Variants in GIGYF2 observed in about 807,000 individuals in gnomAD.
GIGYF2 encodes GRB10-interacting GYF protein 2.
Under a neutral mutation model 208.1 loss-of-function variants are expected in GIGYF2, and 25 were observed. The ratio of observed to expected loss-of-function variants is 0.12; its 90% CI spans 0.09 to 0.17. GIGYF2 has a LOEUF of 0.17. Ranked by LOEUF, GIGYF2 falls within the 10% of genes least tolerant of loss-of-function variation. GIGYF2 has a pLI of 1.00. For synonymous variants in GIGYF2, 534 were observed against 543.8 expected, an observed-to-expected ratio of 0.98 and a Z score of 0.25; for missense variants, 1,302 against 1,579.4, an observed-to-expected ratio of 0.82 and a Z score of 2.98.
intron 2 of GIGYF2, among the ~76,000 whole-genome samples, chr2:232,723,749 T>TTTTGTTG (rs1697051720): frequency 6.9e-6 from 1 of 143,974 alleles, no homozygotes; most frequent in Admixed American, 7.0e-5. Context: ...TTTTTTTTTT[T>TTTTGTTG]GAGATGGAGT....
chr2:232,794,599 G>A (rs1263359338), intron 12 of GIGYF2, 149 bp from the exon 13 acceptor site: 10 of 715,258 alleles, frequency 1.4e-5, no homozygotes, highest in Middle Eastern at 3.4e-4. Context: ...GGAATATTAC[G>A]TTTCTCCATA....
At chr2:232,770,470 A>G (rs1388445309) in intron 8 of GIGYF2, among the ~76,000 whole-genome samples, 3 of 152,212 alleles carry the variant, frequency 2.0e-5, no homozygotes, top group Non-Finnish European at 4.4e-5. Context: ...ATAGGAGGGA[A>G]TTCTAGCTCA....
chr2:232,729,874 T>C, intron 2 of GIGYF2: 1 of 737,572 alleles, frequency 1.4e-6, no homozygotes, highest in South Asian at 1.4e-5. Context: ...ACTTTTCTCC[T>C]CCCATCAGCT....
At chr2:232,735,761 A>G (rs1697706583) in intron 3 of GIGYF2, 2 of 985,552 alleles carry the variant, frequency 2.0e-6, no homozygotes, top group Non-Finnish European at 2.4e-6. Context: ...AGTCTCTTAC[A>G]GATGTGTTTG....
At position 232,836,386 on chromosome 2, in the gene GIGYF2, A is replaced by G. The variant is rs775688463; in HGVS notation, c.2766+3293A>G. Among the ~76,000 whole-genome samples, 706 of 104,080 alleles carry G rather than the reference A, an allele frequency of 6.8e-3. 152 individuals carry two copies. The highest frequency in any genetic ancestry group is 0.065 in the Admixed American group (477 of 7,358). 68.3% of individuals were successfully genotyped at this position (104,080 alleles called of 152,430 possible). On this transcript the variant is annotated intron_variant, in intron 22 of 28. Coordinates refer to ENST00000373563, the MANE Select transcript of GIGYF2 (RefSeq NM_001103146.3). Reference sequence around the variant, plus strand: ...AATATAAATATATATAAATATAAATATATATAAATATAAATATATATATAA... The same window carrying G: ...AATATAAATATATATAAATATAAATGTATATAAATATAAATATATATATAA...
At chr2:232,815,547 A>C (rs1700881121) in intron 18 of GIGYF2, 90 bp from the exon 19 acceptor site, 8 of 773,524 alleles carry the variant, frequency 1.0e-5, no homozygotes, top group Non-Finnish European at 1.9e-5. Context: ...ATTTAGGCAC[A>C]GGGAAGCAGC....
At chr2:232,745,016 A>G (rs971807750) in intron 3 of GIGYF2, among the ~76,000 whole-genome samples, 6 of 152,178 alleles carry the variant, frequency 3.9e-5, no homozygotes, top group African/African-American at 1.4e-4. Context: ...TGTTCAGTGG[A>G]TATTAATTCC....
Position 232,841,260 on chromosome 2 carries a change from A to C in GIGYF2, c.2889+1289A>C, listed in dbSNP as rs1574945168. ...AGGAATCACAGGTCTTCTCCTGTCT[A>C]CCAGAAGTTAATAATTATTTCATTC... is the stretch of plus-strand genomic sequence containing the variant. On this transcript the variant is annotated intron_variant, in intron 23 of 28. Transcript: ENST00000373563. Among the ~76,000 whole-genome samples the C allele has an allele frequency of 3.3e-5, 5 of 152,136 alleles. No individual in the cohort carries two copies. The South Asian group carries it at 1.0e-3, about 32-fold the overall frequency.
At chr2:232,746,966 CTA>C (rs1698173089) in intron 3 of GIGYF2, among the ~76,000 whole-genome samples, 5 of 152,082 alleles carry the variant, frequency 3.3e-5, no homozygotes, top group Admixed American at 3.3e-4. Context: ...ATGTTTGTTT[CTA>C]TGCTTTTGCT....
chr2:232,808,455 T>C (rs1356046690), intron 15 of GIGYF2, among the ~76,000 whole-genome samples: 1 of 152,188 alleles, frequency 6.6e-6, no homozygotes, highest in Non-Finnish European at 1.5e-5. Flanking sequence ...GTCATTGTCT[T>C]TGACCTGAAT....
intron 8 of GIGYF2, chr2:232,764,625 T>C (rs1201131939): frequency 1.3e-5 from 2 of 152,264 alleles, no homozygotes; most frequent in African/African-American, 4.8e-5. Flanking sequence ...GGACTTAGAC[T>C]TGATCTGTAT....
Position 232,784,386 on chromosome 2 carries a change from CT to C in GIGYF2, c.533-2743del, listed in dbSNP as rs10645449. ...TCTAGCTACTTACACGAAATAATTT[CT>C]TTTTTTTTTTTTTTTTTTTTGAGAC... On this transcript the variant is annotated intron_variant, in intron 8 of 28. Coordinates refer to ENST00000373563, the MANE Select transcript of GIGYF2 (RefSeq NM_001103146.3). 5.4e-3 allele frequency among the ~76,000 whole-genome samples: 496 copies of C among 92,268 alleles called. 3 individuals are homozygous for C. Among genetic ancestry groups the C allele is most frequent in the African/African-American group, 0.018 (465 of 25,142 alleles). The allele number at this position is 92,268 out of a possible 152,430, so 60.5% of individuals were successfully genotyped here.
At chr2:232,819,142 C>G (rs976173127) in intron 20 of GIGYF2, among the ~76,000 whole-genome samples, 1 of 151,966 alleles carries the variant, frequency 6.6e-6, no homozygotes, top group Non-Finnish European at 1.5e-5. Context: ...AAGAGGTGCT[C>G]TTTGAAAAAC....
intron 2 of GIGYF2, among the ~76,000 whole-genome samples, chr2:232,704,660 GT>G (rs1292561994): frequency 6.6e-5 from 10 of 152,154 alleles, no homozygotes; most frequent in Admixed American, 6.5e-4. Context: ...GCCTCCCAAA[GT>G]GCTGGGATTA....
At chr2:232,716,374 G>GTTTTTTTTTTTTTTT (rs397988241) in intron 2 of GIGYF2, among the ~76,000 whole-genome samples, 2 of 100,290 alleles carry the variant, frequency 2.0e-5, no homozygotes, top group Non-Finnish European at 3.8e-5. Flanking sequence ...GGTGTTATTT[G>GTTTTTTTTTTTTTTT]TTTTTTTTTT....
At chr2:232,730,326 C>T (rs1294666820) in intron 2 of GIGYF2, 3 of 526,228 alleles carry the variant, frequency 5.7e-6, no homozygotes, top group African/African-American at 2.0e-5. Context: ...CTTTAGGGGC[C>T]GGGTGCAGTG....
intron 3 of GIGYF2, among the ~76,000 whole-genome samples, chr2:232,743,869 C>T (rs896435084): frequency 1.3e-5 from 2 of 152,098 alleles, no homozygotes; most frequent in African/African-American, 4.8e-5. Context: ...TTTTTGGAGA[C>T]AGAGTCTCAC....
At chr2:232,735,532 C>G (rs1697696959) in intron 3 of GIGYF2, 1 of 347,886 alleles carries the variant, frequency 2.9e-6, no homozygotes, top group Non-Finnish European at 4.7e-6. Context: ...GGTGCACATA[C>G]AATTTTATGT....
At chr2:232,777,866 A>G (rs938350574) in intron 8 of GIGYF2, among the ~76,000 whole-genome samples, 2 of 152,170 alleles carry the variant, frequency 1.3e-5, no homozygotes, top group African/African-American at 2.4e-5. Flanking sequence ...TACTAGAACA[A>G]GTATAGTATA....
Sources: allele counts gnomAD v4.1 joint callset (sites outside exome capture counted in the v4.1 genomes callset), GRCh38; gene constraint gnomAD v4.1.1; transcripts MANE v1.5; gene names NCBI Gene and HGNC (gene_info 2026-07-23, HGNC 2026-07-21).